GRID2: variants seen among roughly 807,000 people sequenced by gnomAD.
GRID2 encodes glutamate receptor ionotropic, delta-2.
GRID2 carries 33 observed loss-of-function variants against 114.8 expected under a neutral mutation model. The observed-to-expected ratio is 0.29, with a 90% CI of 0.22 to 0.38. The LOEUF (loss-of-function observed/expected upper bound fraction) is 0.38. Ranked by LOEUF, GRID2 falls within the 10% of genes least tolerant of loss-of-function variation. The pLI is 1.00. For synonymous variants in GRID2, 505 were observed against 449.9 expected (o/e 1.12, Z -1.55); for missense variants, 1,184 against 1,257.7 (o/e 0.94, Z 0.89).
intron 2 of GRID2, among the ~76,000 whole-genome samples, chr4:92,695,042 C>T (rs112309899): frequency 6.6e-6 from 1 of 152,204 alleles, no homozygotes; most frequent in South Asian, 2.1e-4. Flanking sequence ...TCTCGGCTCA[C>T]TGCAACCCCT....
chr4:93,176,161 A>C (rs1739329868), intron 4 of GRID2, among the ~76,000 whole-genome samples: 1 of 152,230 alleles, frequency 6.6e-6, no homozygotes, highest in Non-Finnish European at 1.5e-5. Context: ...AAAAGAAATA[A>C]ATTGATAACC....
intron 1 of GRID2, among the ~76,000 whole-genome samples, chr4:92,498,433 G>T (rs904150581): frequency 1.3e-5 from 2 of 151,754 alleles, no homozygotes; most frequent in African/African-American, 2.4e-5. Flanking sequence ...TCAATTAAAG[G>T]CATTTATATT....
At chr4:93,130,252 C>A (rs1460527121) in intron 4 of GRID2, among the ~76,000 whole-genome samples, 2 of 152,062 alleles carry the variant, frequency 1.3e-5, no homozygotes, top group Non-Finnish European at 2.9e-5. Flanking sequence ...CCAGCCTGGG[C>A]AACATGATGA....
At chr4:92,701,330 A>G (rs954476650) in intron 2 of GRID2, among the ~76,000 whole-genome samples, 2 of 152,298 alleles carry the variant, frequency 1.3e-5, no homozygotes, top group Non-Finnish European at 2.9e-5. Context: ...AAAGTTTTCA[A>G]TTTTAATCAC....
intron 4 of GRID2, among the ~76,000 whole-genome samples, chr4:93,191,846 C>A (rs1741009720): frequency 6.6e-6 from 1 of 152,082 alleles, no homozygotes; most frequent in African/African-American, 2.4e-5. Flanking sequence ...TTTTATTTAT[C>A]AAAAACATTT....
Position 93,536,645 on chromosome 4 carries a change from TTC to T in GRID2, c.2193+21236_2193+21237del, listed in dbSNP as rs869133271. ...TTGACAATGACTTGATATTTTTGAC[TTC>T]TTTTTTTTTTTTTTTTAACACTTGT... On this transcript the variant is annotated intron_variant, in intron 13 of 15. Transcript: ENST00000282020. 6.4e-3 allele frequency among the ~76,000 whole-genome samples: 486 copies of T among 75,430 alleles called. 2 individuals are homozygous for T. The highest frequency in any genetic ancestry group is 0.029 in the African/African-American group (412 of 14,328). The allele number at this position is 75,430 out of a possible 152,430, so 49.5% of individuals were successfully genotyped here.
chr4:93,508,345 C>T (rs1728852733), intron 12 of GRID2, among the ~76,000 whole-genome samples: 1 of 151,668 alleles, frequency 6.6e-6, no homozygotes, highest in African/African-American at 2.4e-5. Context: ...TGCAGGCACC[C>T]ACCACCATGC....
At chr4:92,976,478 A>G (rs1427043632) in intron 2 of GRID2, among the ~76,000 whole-genome samples, 1 of 152,216 alleles carries the variant, frequency 6.6e-6, no homozygotes, top group South Asian at 2.1e-4. Context: ...TATTAAGTGA[A>G]TATAGTCAAC....
chr4:93,236,457 A>C (rs1231929494), intron 7 of GRID2, among the ~76,000 whole-genome samples: 1 of 152,026 alleles, frequency 6.6e-6, no homozygotes, highest in Non-Finnish European at 1.5e-5. Flanking sequence ...TTCCATTTTT[A>C]CCCGAGAAAA....
intron 4 of GRID2, among the ~76,000 whole-genome samples, chr4:93,177,653 GA>G (rs933597473): frequency 6.6e-6 from 1 of 152,060 alleles, no homozygotes; most frequent in Non-Finnish European, 1.5e-5. Flanking sequence ...TAACTTTAGG[GA>G]AAAAATTTTA....
chr4:93,182,837 T>C (rs1163886310), intron 4 of GRID2, among the ~76,000 whole-genome samples: 4 of 152,198 alleles, frequency 2.6e-5, no homozygotes, highest in Admixed American at 2.6e-4. Flanking sequence ...GCAGTAGTTT[T>C]CAGAGTGTGT....
intron 2 of GRID2, among the ~76,000 whole-genome samples, chr4:92,770,616 G>A (rs1447510378): frequency 6.6e-6 from 1 of 152,126 alleles, no homozygotes; most frequent in Non-Finnish European, 1.5e-5. Flanking sequence ...GAAGGTGAAA[G>A]GCAAGGAGGG....
chr4:93,485,661 G>A (rs1036049212), intron 11 of GRID2, among the ~76,000 whole-genome samples: 6 of 151,640 alleles, frequency 4.0e-5, no homozygotes, highest in Admixed American at 1.3e-4. Flanking sequence ...ATACTTTAGT[G>A]CCAGCTGGGT....
chr4:93,309,380 C>T (rs1363498348), intron 8 of GRID2, among the ~76,000 whole-genome samples: 1 of 151,910 alleles, frequency 6.6e-6, no homozygotes, highest in East Asian at 1.9e-4. Context: ...GTTAAAATTA[C>T]AAAAATTAGC....
intron 1 of GRID2, among the ~76,000 whole-genome samples, chr4:92,510,514 AG>A (rs1457149302): frequency 6.6e-6 from 1 of 151,892 alleles, no homozygotes; most frequent in Non-Finnish European, 1.5e-5. Flanking sequence ...ATAGTCATCA[AG>A]GGTTTGATAG....
chr4:93,488,241 A>T (rs1726608011), intron 11 of GRID2, among the ~76,000 whole-genome samples: 2 of 151,998 alleles, frequency 1.3e-5, no homozygotes. Context: ...ATGTAAAAAT[A>T]AATATTTTAT....
intron 13 of GRID2, among the ~76,000 whole-genome samples, chr4:93,608,435 A>G (rs1740554397): frequency 6.9e-6 from 1 of 143,888 alleles, no homozygotes; most frequent in African/African-American, 2.6e-5. Flanking sequence ...AGCATTAGGT[A>G]TATCTCCCAA....
chr4:93,461,552 C>T (rs138322827), intron 11 of GRID2, among the ~76,000 whole-genome samples: 5 of 152,166 alleles, frequency 3.3e-5, no homozygotes, highest in East Asian at 1.9e-4. Flanking sequence ...AAAGAGTTCA[C>T]GGACAGCCAA....
intron 2 of GRID2, among the ~76,000 whole-genome samples, chr4:93,014,778 G>A (rs896264669): frequency 3.9e-5 from 6 of 152,076 alleles, no homozygotes; most frequent in African/African-American, 1.4e-4. Context: ...TATGCACTGC[G>A]ATACACACAC....
Sources: allele counts gnomAD v4.1 joint callset (sites outside exome capture counted in the v4.1 genomes callset), GRCh38; gene constraint gnomAD v4.1.1; transcripts MANE v1.5; gene names NCBI Gene and HGNC (gene_info 2026-07-23, HGNC 2026-07-21).